RGS9: variants seen among roughly 807,000 people sequenced by gnomAD.
RGS9 encodes regulator of G-protein signalling 9.
In RGS9, 78 loss-of-function variants were observed where a neutral mutation model predicts 102.0. The ratio of observed to expected loss-of-function variants is 0.76; its 90% CI spans 0.64 to 0.92. RGS9 has a LOEUF of 0.92. RGS9 is among the 40% of genes least tolerant of loss of function. RGS9 has a pLI of 0.00. For missense variants in RGS9, 833 were observed against 866.1 expected, an observed-to-expected ratio of 0.96 and a Z score of 0.48; for synonymous variants, 353 against 318.6, an observed-to-expected ratio of 1.11 and a Z score of -1.15.
At chr17:65,193,106 CA>C (rs372675773) in intron 11 of RGS9, among the ~76,000 whole-genome samples, 463 of 131,024 alleles carry the variant, frequency 3.5e-3, no homozygotes, top group African/African-American at 3.8e-3. Context: ...ACCAAAAATA[CA>C]AAAAAAAAAA....
At chr17:65,199,925 A>C (rs1402615147) in intron 13 of RGS9, among the ~76,000 whole-genome samples, 1 of 152,064 alleles carries the variant, frequency 6.6e-6, no homozygotes, top group Non-Finnish European at 1.5e-5. Context: ...GGTTGCTTTG[A>C]CTTTTTAGCT....
chr17:65,141,128 G>A (rs570394899), intron 1 of RGS9, among the ~76,000 whole-genome samples: 2 of 152,282 alleles, frequency 1.3e-5, no homozygotes, highest in South Asian at 2.1e-4. Flanking sequence ...GATGCCCGCC[G>A]GCCATGCTGC....
intron 17 of RGS9, among the ~76,000 whole-genome samples, chr17:65,220,317 T>A (rs1326165612): frequency 6.6e-6 from 1 of 152,168 alleles, no homozygotes; most frequent in Non-Finnish European, 1.5e-5. Context: ...AACGTTAGGA[T>A]ATATTTGAGG....
At chr17:65,144,487 C>A (rs1910279742) in intron 1 of RGS9, among the ~76,000 whole-genome samples, 1 of 152,236 alleles carries the variant, frequency 6.6e-6, no homozygotes, top group South Asian at 2.1e-4. Flanking sequence ...GACACCCTGA[C>A]CCCCTTCTCC....
chr17:65,227,584 G>T lies in RGS9; in HGVS notation c.*177G>T. On this transcript the variant is annotated 3_prime_UTR_variant, in exon 19 of 19. Transcript: ENST00000262406. ...AAGAATGCTCTGGCTGGTTACCAGGGGCCAACTCCTTCTCCTCTTCCTGAC... is the reference window on the plus strand; with the variant it reads ...AAGAATGCTCTGGCTGGTTACCAGGTGCCAACTCCTTCTCCTCTTCCTGAC... 2 of 834,486 alleles carry T rather than the reference G, an allele frequency of 2.4e-6. No homozygotes were observed. Among genetic ancestry groups the T allele is most frequent in the Admixed American group, 4.3e-5 (2 of 46,488 alleles). 51.7% of individuals were successfully genotyped at this position (834,486 alleles called of 1,614,324 possible).
chr17:65,211,122 G>T (rs1008305980), intron 17 of RGS9, among the ~76,000 whole-genome samples: 2 of 152,156 alleles, frequency 1.3e-5, no homozygotes, highest in African/African-American at 2.4e-5. Flanking sequence ...TTTTCAGGGA[G>T]ATTTGTTTAA....
chr17:65,170,979 GC>G, intron 8 of RGS9, among the ~76,000 whole-genome samples: 1 of 152,160 alleles, frequency 6.6e-6, no homozygotes, highest in Non-Finnish European at 1.5e-5. Flanking sequence ...GGCTCAGGAA[GC>G]CCCGGAGCTC....
rs752323084 is a variant in RGS9, at chr17:65,227,682, G to A, written c.*275G>A. On this transcript the variant is annotated 3_prime_UTR_variant, in exon 19 of 19. Coordinates refer to ENST00000262406, the MANE Select transcript of RGS9 (RefSeq NM_003835.4). ...CCTGCTGCCTTAAAACCAATAAAAG[G>A]TTAACTTTAAGTTTCTTGGAATGTT... The A allele has an allele frequency of 2.2e-4, 107 of 482,116 alleles. No individual in the cohort carries two copies. The highest frequency in any genetic ancestry group is 3.6e-4 in the Non-Finnish European group (96 of 263,040). The allele number at this position is 482,116 out of a possible 1,614,324, so 29.9% of individuals were successfully genotyped here.
chr17:65,167,681 T>A (rs190262123), intron 7 of RGS9, among the ~76,000 whole-genome samples: 33 of 152,326 alleles, frequency 2.2e-4, no homozygotes, highest in African/African-American at 7.7e-4. Context: ...ACTATGTTGT[T>A]TGCCCAAACA....
intron 14 of RGS9, among the ~76,000 whole-genome samples, chr17:65,202,762 G>A (rs1912906714): frequency 6.6e-6 from 1 of 152,116 alleles, no homozygotes. Flanking sequence ...AGGTGGAGAG[G>A]GAGGGGAAGG....
chr17:65,160,619 T>C (rs776254560), intron 5 of RGS9, 32 bp downstream of exon 5: 3 of 1,609,724 alleles, frequency 1.9e-6, no homozygotes, highest in South Asian at 1.1e-5. Context: ...ATGCCTTTGG[T>C]AGTGCTTAAC....
intron 17 of RGS9, among the ~76,000 whole-genome samples, chr17:65,223,811 C>T (rs142293353): frequency 1.3e-5 from 2 of 150,206 alleles, no homozygotes; most frequent in African/African-American, 4.9e-5. Flanking sequence ...AGTGCAGTGA[C>T]GCGATCTCGG....
chr17:65,178,728 C>T lies in RGS9; in HGVS notation c.654+925C>T, dbSNP rs1163925684. ...CTATGTTGCCCAGGCTGGTCTTGAA[C>T]TCCTGGGCTCAAGCAGTCCTCCTGC... On this transcript the variant is annotated intron_variant, in intron 9 of 18. Coordinates refer to ENST00000262406, the MANE Select transcript of RGS9 (RefSeq NM_003835.4). Among the ~76,000 whole-genome samples, 3 of 152,294 alleles carry T rather than the reference C, an allele frequency of 2.0e-5. No individual in the cohort carries two copies. In the South Asian group the frequency reaches 6.2e-4, roughly 32 times the overall value.
intron 1 of RGS9, among the ~76,000 whole-genome samples, chr17:65,145,550 A>ATTT (rs776371602): frequency 9.3e-6 from 1 of 108,046 alleles, no homozygotes; most frequent in African/African-American, 4.6e-5. Flanking sequence ...ACTCCTGGCT[A>ATTT]TTTTTTTTTT....
At chr17:65,188,986 G>A in intron 9 of RGS9, 1 of 465,160 alleles carries the variant, frequency 2.1e-6, no homozygotes, top group Admixed American at 3.5e-5. Context: ...CATTCTGTAG[G>A]CACTATGCTA....
intron 6 of RGS9, 122 bp from the exon 7 acceptor site, chr17:65,162,891 C>T (rs1036867219): frequency 1.3e-5 from 9 of 688,808 alleles, no homozygotes; most frequent in East Asian, 2.8e-5. Context: ...TAGATACCAT[C>T]GGGCTGGGTC....
intron 6 of RGS9, among the ~76,000 whole-genome samples, chr17:65,161,914 T>A (rs925290114): frequency 1.3e-5 from 2 of 150,784 alleles, no homozygotes; most frequent in Non-Finnish European, 1.5e-5. Flanking sequence ...CCCAGGCTAG[T>A]CTCAAACTCC....
intron 2 of RGS9, among the ~76,000 whole-genome samples, chr17:65,154,072 C>T (rs904918155): frequency 1.3e-5 from 2 of 152,104 alleles, no homozygotes; most frequent in Non-Finnish European, 2.9e-5. Flanking sequence ...TTTGGGAGGC[C>T]GAGGCAGGTG....
chr17:65,183,829 G>A (rs1458592408), intron 9 of RGS9, among the ~76,000 whole-genome samples: 1 of 152,132 alleles, frequency 6.6e-6, no homozygotes, highest in Non-Finnish European at 1.5e-5. Context: ...CCTGCCGGTG[G>A]CCTGACCCCT....
Sources: allele counts gnomAD v4.1 joint callset (sites outside exome capture counted in the v4.1 genomes callset), GRCh38; gene constraint gnomAD v4.1.1; transcripts MANE v1.5; gene names NCBI Gene and HGNC (gene_info 2026-07-23, HGNC 2026-07-21).